Variants in GART observed in about 807,000 individuals in gnomAD.
GART encodes trifunctional purine biosynthetic protein adenosine-3.
GART carries 43 observed loss-of-function variants against 107.2 expected under a neutral mutation model. The ratio of observed to expected loss-of-function variants is 0.40; its 90% CI spans 0.31 to 0.52. GART has a LOEUF of 0.52. Ranked by LOEUF, GART falls within the 20% of genes least tolerant of loss-of-function variation. The pLI is 0.52. For synonymous variants in GART, 434 were observed against 427.0 expected, an observed-to-expected ratio of 1.02 and a Z score of -0.20; for missense variants, 1,107 against 1,206.5, an observed-to-expected ratio of 0.92 and a Z score of 1.22.
intron 17 of GART, 104 bp downstream of exon 17, chr21:33,511,148 G>A: frequency 8.9e-7 from 1 of 1,123,842 alleles, no homozygotes; most frequent in East Asian, 2.3e-5. Flanking sequence ...CCATAGCGAT[G>A]GCTGCACTAA....
chr21:33,522,148 T>C, intron 12 of GART, 40 bp downstream of exon 12: 1 of 1,384,020 alleles, frequency 7.2e-7, no homozygotes, highest in Non-Finnish European at 1.0e-6. Context: ...TCACAATGTA[T>C]ATCAAAGTTA....
rs1262213213 is a variant in GART at position 33,511,478 on chromosome 21, A to G, written c.2108-20T>C. On this transcript the variant is annotated intron_variant, in intron 16 of 21. Transcript: ENST00000381815. Reference sequence around the variant, plus strand: ...GGGCATCTGAAAAAAATAGACACGAATTGTTTGATTTTCCTACCTTCTCAC... The same window carrying G: ...GGGCATCTGAAAAAAATAGACACGAGTTGTTTGATTTTCCTACCTTCTCAC... 6.8e-6 allele frequency: 11 copies of G among 1,610,996 alleles called. No homozygotes were observed. Among genetic ancestry groups the G allele is most frequent in the African/African-American group, 1.3e-5 (1 of 74,824 alleles).
intron 11 of GART, 185 bp downstream of exon 11, chr21:33,524,584 G>C: frequency 8.4e-7 from 1 of 1,191,892 alleles, no homozygotes; most frequent in Non-Finnish European, 1.0e-6. Context: ...ACGCTATCAT[G>C]AAGTTTTTTC....
intron 2 of GART, among the ~76,000 whole-genome samples, chr21:33,536,400 G>A (rs1166376978): frequency 1.3e-5 from 2 of 152,214 alleles, no homozygotes; most frequent in Admixed American, 6.5e-5. Context: ...ACCACCATTC[G>A]TTAAGTCAGC....
chr21:33,517,625 A>C lies in GART; in HGVS notation c.1703-17T>G. ...TTTCACCTCCTGGTGGGATAAGACA[A>C]GAACAAAGAAATCAGAGTATTTATA... is the stretch of plus-strand genomic sequence containing the variant. On this transcript the variant is annotated splice_polypyrimidine_tract_variant and intron_variant, in intron 14 of 21. Transcript: ENST00000381815. 1 of 1,613,226 alleles carries C rather than the reference A, an allele frequency of 6.2e-7. No individual in the cohort carries two copies. The highest frequency in any genetic ancestry group is 8.5e-7 in the Non-Finnish European group (1 of 1,179,286).
chr21:33,518,118 G>A lies in GART; in HGVS notation c.1703-510C>T, dbSNP rs140062291. 1.4e-4 allele frequency among the ~76,000 whole-genome samples: 21 copies of A among 152,318 alleles called. No individual in the cohort carries two copies. The East Asian group carries it at 4.0e-3, about 29-fold the overall frequency. ...CCAAATAAGAAACTGTGTTCTAAAC[G>A]GTGGTTGAAAGGCAATTTTTGTTTG... On this transcript the variant is annotated intron_variant, in intron 14 of 21. Transcript: ENST00000381815.
chr21:33,536,510 C>T (rs1416204882), intron 2 of GART, among the ~76,000 whole-genome samples: 1 of 152,188 alleles, frequency 6.6e-6, no homozygotes, highest in East Asian at 1.9e-4. Flanking sequence ...ATTCTAAGAT[C>T]CCTAGTGGAT....
intron 5 of GART, 46 bp downstream of exon 5, chr21:33,532,299 T>C (rs1209614741): frequency 1.5e-6 from 2 of 1,304,692 alleles, no homozygotes; most frequent in African/African-American, 1.5e-5. Flanking sequence ...ACGGTATTTA[T>C]TCAGTATGAA....
intron 17 of GART, chr21:33,510,166 C>A (rs891616961): frequency 3.7e-5 from 15 of 407,332 alleles, no homozygotes; most frequent in Non-Finnish European, 5.3e-5. Flanking sequence ...TTGAAGTGCA[C>A]GGTGGATATA....
chr21:33,538,392 C>T (rs984859450), intron 2 of GART, among the ~76,000 whole-genome samples: 7 of 151,148 alleles, frequency 4.6e-5, no homozygotes, highest in Admixed American at 1.3e-4. Context: ...CCATGCCTGG[C>T]TAATTTTTGT....
intron 2 of GART, among the ~76,000 whole-genome samples, chr21:33,537,214 A>G (rs1370753775): frequency 6.6e-6 from 1 of 152,222 alleles, no homozygotes; most frequent in African/African-American, 2.4e-5. Context: ...TATGACCTCA[A>G]TCGCAGATAA....
chr21:33,515,652 C>CAAAAAAAAAA (rs71194850), intron 16 of GART, among the ~76,000 whole-genome samples: 1 of 35,834 alleles, frequency 2.8e-5, no homozygotes, highest in Non-Finnish European at 4.8e-5. Flanking sequence ...GACTCCAACT[C>CAAAAAAAAAA]AAAAAAAAAA....
At chr21:33,532,131 T>G in intron 5 of GART, 1 of 510,754 alleles carries the variant, frequency 2.0e-6, no homozygotes. Context: ...GATGTTACAA[T>G]TTACTTCAAA....
In GART at chr21:33,522,280, C is replaced by A; in HGVS notation, c.1301G>T (p.Ser434Ile). The change falls in exon 12 of 22, where the codon AGT becomes ATT. Residue 434 changes from serine to isoleucine, a missense_variant and splice_region_variant. By Grantham distance (142) the Ser-to-Ile change is moderately radical. Coordinates refer to ENST00000381815, the MANE Select transcript of GART (RefSeq NM_000819.5). ...TACTCCAGATTCCTTGTAAGTCAAACTCCTAAAGAATTAAAAACAAGTCAT... is the reference window on the plus strand; with the variant it reads ...TACTCCAGATTCCTTGTAAGTCAAAATCCTAAAGAATTAAAAACAAGTCAT... Reference protein sequence around the residue: ...RAIAFLQQPRSLTYKESGVDI... With the variant: ...RAIAFLQQPRILTYKESGVDI... The A allele has an allele frequency of 6.2e-7, 1 of 1,607,816 alleles. No homozygotes were observed. Among genetic ancestry groups the A allele is most frequent in the Non-Finnish European group, 8.5e-7 (1 of 1,174,576 alleles).
At chr21:33,516,926 C>G in intron 16 of GART, 63 bp downstream of exon 16, 2 of 1,415,844 alleles carry the variant, frequency 1.4e-6, no homozygotes, top group South Asian at 1.3e-5. Context: ...CCATAGTTTT[C>G]TCGCACAATG....
chr21:33,535,492 A>T (rs900683889), intron 2 of GART, among the ~76,000 whole-genome samples, 172 bp from the exon 3 acceptor site: 16 of 152,188 alleles, frequency 1.1e-4, no homozygotes, highest in African/African-American at 3.9e-4. Context: ...TTCAGAGGAG[A>T]GTGCATTAGG....
chr21:33,537,994 G>A (rs1416974718), intron 2 of GART, among the ~76,000 whole-genome samples: 1 of 152,060 alleles, frequency 6.6e-6, no homozygotes, highest in Admixed American at 6.6e-5. Flanking sequence ...TGTAATCCCA[G>A]CACTTTGGGA....
rs1335911075 is a variant in GART, at chr21:33,524,839, T to C, written c.1228A>G (p.Ile410Val). ...CTATAAATTGCTCCCTCAAACTTTA[T>C]AGCAGCTAGTCCTTTCTTGGCTTCC... ...LEEAKKGLAAIKFEGAIYRKD... is the reference protein window; with the variant it reads ...LEEAKKGLAAVKFEGAIYRKD... Residue 410 changes from isoleucine (I) to valine (V), a missense_variant, in exon 11 of 22, where the codon ATA becomes GTA. Transcript: ENST00000381815. The C allele has an allele frequency of 1.9e-6, 3 of 1,614,250 alleles. No homozygotes were observed. Among genetic ancestry groups the C allele is most frequent in the Non-Finnish European group, 2.5e-6 (3 of 1,180,034 alleles).
chr21:33,524,054 A>G, intron 11 of GART: 2 of 985,284 alleles, frequency 2.0e-6, no homozygotes, highest in South Asian at 4.7e-5. Context: ...CAGTTTGTAC[A>G]TACCAACAAT....
Sources: gnomAD v4.1 joint callset for allele counts (sites outside exome capture counted in the v4.1 genomes callset) on GRCh38, gnomAD v4.1.1 for gene constraint, MANE v1.5 for transcripts, NCBI Gene and HGNC (gene_info 2026-07-23, HGNC 2026-07-21) for gene names.